Variants in ASXL2 observed in about 807,000 individuals in gnomAD.
ASXL2 encodes putative Polycomb group protein ASXL2.
Under a neutral mutation model 122.0 loss-of-function variants are expected in ASXL2, and 23 were observed. That is an observed-to-expected ratio of 0.19 (90% CI 0.14 to 0.27). The LOEUF is 0.27. Ranked by LOEUF, ASXL2 falls within the 10% of genes least tolerant of loss-of-function variation. The pLI is 1.00. For synonymous variants in ASXL2, 650 were observed against 637.0 expected (o/e 1.02, Z -0.31); for missense variants, 1,518 against 1,713.8 (o/e 0.89, Z 2.02).
chr2:25,786,519 G>T (rs1422435207), intron 5 of ASXL2, among the ~76,000 whole-genome samples: 1 of 152,004 alleles, frequency 6.6e-6, no homozygotes, highest in African/African-American at 2.4e-5. Context: ...GAATACAGGC[G>T]TGAGCCACCA....
intron 3 of ASXL2, among the ~76,000 whole-genome samples, chr2:25,817,411 C>T (rs1316075625): frequency 6.6e-6 from 1 of 152,080 alleles, no homozygotes; most frequent in Non-Finnish European, 1.5e-5. Context: ...ATTAATATTA[C>T]CTCACAGTGA....
At chr2:25,838,017 G>C (rs1402526587) in intron 2 of ASXL2, among the ~76,000 whole-genome samples, 1 of 150,784 alleles carries the variant, frequency 6.6e-6, no homozygotes, top group Non-Finnish European at 1.5e-5. Context: ...TGTGGTCCCA[G>C]CTACTTAGGA....
intron 4 of ASXL2, among the ~76,000 whole-genome samples, chr2:25,802,574 C>T (rs1281166924): frequency 6.6e-6 from 1 of 152,160 alleles, no homozygotes; most frequent in Non-Finnish European, 1.5e-5. Context: ...TCTGACACAG[C>T]TCCTATGTCC....
chr2:25,792,107 C>T (rs569749014), intron 5 of ASXL2, among the ~76,000 whole-genome samples: 6 of 152,360 alleles, frequency 3.9e-5, no homozygotes, highest in African/African-American at 1.4e-4. Flanking sequence ...AGCAATCCTC[C>T]TGCCTCAGTC....
chr2:25,788,654 C>T (rs908469368), intron 5 of ASXL2, among the ~76,000 whole-genome samples: 1 of 152,108 alleles, frequency 6.6e-6, no homozygotes, highest in East Asian at 1.9e-4. Flanking sequence ...GTAATAGTAT[C>T]GCATGTGGTT....
rs2088203594 is a variant in ASXL2 at position 25,759,553 on chromosome 2, G to A, written c.868C>T (p.His290Tyr). The change falls in exon 9 of 13, where the codon CAC becomes TAC. Residue 290 changes from histidine to tyrosine, a missense_variant. His to Tyr is a moderately conservative substitution (Grantham distance 83, BLOSUM62 2). Transcript: ENST00000435504. ...NTNLRALINK[H>Y]TFSVLPGDCQ... ...TCTCCAGGAAGGACTGAAAATGTGT[G>A]CTTGTTGATCAGTGCTCGCAGATTT... 6.2e-7 allele frequency: 1 copy of A among 1,613,976 alleles called. No homozygotes were observed. The highest frequency in any genetic ancestry group is 8.5e-7 in the Non-Finnish European group (1 of 1,179,874).
At chr2:25,785,574 G>C (rs2088726657) in intron 5 of ASXL2, among the ~76,000 whole-genome samples, 1 of 151,678 alleles carries the variant, frequency 6.6e-6, no homozygotes, top group Non-Finnish European at 1.5e-5. Context: ...CTGAGACAGA[G>C]TCTCATTCCG....
intron 9 of ASXL2, among the ~76,000 whole-genome samples, chr2:25,759,198 G>T (rs976413591): frequency 5.9e-5 from 9 of 152,088 alleles, no homozygotes; most frequent in Admixed American, 2.0e-4. Flanking sequence ...CAGGTGATCT[G>T]CCCTCCTTGG....
At chr2:25,826,723 C>T (rs1470508938) in intron 3 of ASXL2, among the ~76,000 whole-genome samples, 2 of 133,580 alleles carry the variant, frequency 1.5e-5, no homozygotes, top group East Asian at 4.0e-4. Flanking sequence ...AAGCTCAATC[C>T]CTTGAACTTC....
chr2:25,823,087 T>C (rs1348376435), intron 3 of ASXL2: 1 of 409,624 alleles, frequency 2.4e-6, no homozygotes, highest in East Asian at 6.6e-5. Context: ...TTCAGCCTGC[T>C]TGTTTTTTTA....
rs186211663 is a variant in ASXL2, at chr2:25,847,696, T to C, written c.58-2133A>G. 2.4e-4 allele frequency among the ~76,000 whole-genome samples: 36 copies of C among 152,240 alleles called. 1 individual carries two copies. Among genetic ancestry groups the C allele is most frequent in the Admixed American group, 2.2e-3 (34 of 15,282 alleles). On this transcript the variant is annotated intron_variant, in intron 1 of 12. Transcript: ENST00000435504. The stretch of plus-strand genomic sequence containing the variant: ...AAAATACACCATGGACCTGGATAAA[T>C]AGTTCACAAAAGGGTTAATATAACT...
At chr2:25,849,929 A>C (rs1273978785) in intron 1 of ASXL2, among the ~76,000 whole-genome samples, 1 of 152,210 alleles carries the variant, frequency 6.6e-6, no homozygotes, top group Non-Finnish European at 1.5e-5. Context: ...AATGTTTTTC[A>C]ATTAAAGACT....
chr2:25,794,216 AG>A (rs1489243067), intron 5 of ASXL2, among the ~76,000 whole-genome samples: 1 of 152,220 alleles, frequency 6.6e-6, no homozygotes, highest in Non-Finnish European at 1.5e-5. Flanking sequence ...TTCACACTAG[AG>A]GAAACAGTGA....
At chr2:25,857,752 C>T (rs780657542) in intron 1 of ASXL2, among the ~76,000 whole-genome samples, 14 of 152,218 alleles carry the variant, frequency 9.2e-5, no homozygotes, top group Non-Finnish European at 2.1e-4. Flanking sequence ...ACTTTCCCCA[C>T]AGCACTTACC....
At chr2:25,870,193 T>C (rs1176558473) in intron 1 of ASXL2, among the ~76,000 whole-genome samples, 2 of 152,142 alleles carry the variant, frequency 1.3e-5, no homozygotes, top group South Asian at 2.1e-4. Context: ...GTGGGGAACA[T>C]AGTCAGCCCC....
chr2:25,870,758 A>G (rs542439642), intron 1 of ASXL2, among the ~76,000 whole-genome samples: 18 of 152,146 alleles, frequency 1.2e-4, no homozygotes, highest in African/African-American at 4.3e-4. Context: ...TTCATAAAAT[A>G]AAGTTATAGA....
chr2:25,833,297 C>T (rs2089475280), intron 3 of ASXL2, among the ~76,000 whole-genome samples: 1 of 152,204 alleles, frequency 6.6e-6, no homozygotes, highest in African/African-American at 2.4e-5. Context: ...CCTACAACTG[C>T]TTATGGCTTA....
chr2:25,746,813 G>A (rs2087950782), intron 12 of ASXL2, among the ~76,000 whole-genome samples: 1 of 152,110 alleles, frequency 6.6e-6, no homozygotes, highest in Non-Finnish European at 1.5e-5. Flanking sequence ...CAAAACCAAA[G>A]CTGTCCAGGC....
At chr2:25,803,968 T>A (rs367551873) in intron 4 of ASXL2, among the ~76,000 whole-genome samples, 1 of 152,010 alleles carries the variant, frequency 6.6e-6, no homozygotes, top group Non-Finnish European at 1.5e-5. Context: ...TGTATGAGAA[T>A]AGGGAAAACA....
Sources: allele counts gnomAD v4.1 joint callset (sites outside exome capture counted in the v4.1 genomes callset), GRCh38; gene constraint gnomAD v4.1.1; transcripts MANE v1.5; gene names NCBI Gene and HGNC (gene_info 2026-07-23, HGNC 2026-07-21).